ZGRF1: variants seen among roughly 807,000 people sequenced by gnomAD.
ZGRF1 encodes the protein zinc finger GRF-type containing 1.
ZGRF1 carries 196 observed loss-of-function variants against 203.5 expected under a neutral mutation model. The ratio of observed to expected loss-of-function variants is 0.96; its 90% CI spans 0.86 to 1.08. The LOEUF (loss-of-function observed/expected upper bound fraction) is 1.08. Ranked by LOEUF, ZGRF1 falls within the 50% of genes least tolerant of loss-of-function variation. The pLI is 0.00. For synonymous variants in ZGRF1, 809 were observed against 841.3 expected (o/e 0.96, Z 0.66); for missense variants, 2,326 against 2,416.3 (o/e 0.96, Z 0.78).
intron 6 of ZGRF1, among the ~76,000 whole-genome samples, chr4:112,613,220 G>A (rs1195447355): frequency 6.6e-6 from 1 of 152,186 alleles, no homozygotes; most frequent in Non-Finnish European, 1.5e-5. Context: ...CTTGAACTCG[G>A]GAGGTGGAGG....
At position 112,539,991 on chromosome 4, in the gene ZGRF1, C is replaced by A; in HGVS notation, c.6044G>T (p.Gly2015Val). 2 of 1,613,744 alleles carry A rather than the reference C, an allele frequency of 1.2e-6. No homozygotes were observed. Among genetic ancestry groups the A allele is most frequent in the South Asian group, 2.2e-5 (2 of 91,068 alleles). ...CATTCTTTTTTCTGAATCAATGAAT[C>A]CTACTTGTCTTGTCCTTACACAGGA... ...ILSCVRTRQV[G>V]FIDSEKRMNV... Residue 2015 changes from glycine to valine, a missense_variant, in exon 27 of 28, where the codon GGA becomes GTA. Transcript: ENST00000505019.
At chr4:112,543,219 T>C (rs1713150279) in intron 24 of ZGRF1, among the ~76,000 whole-genome samples, 1 of 152,114 alleles carries the variant, frequency 6.6e-6, no homozygotes, top group African/African-American at 2.4e-5. Flanking sequence ...TAGCTAAAGA[T>C]CCCCCTTCAT....
intron 16 of ZGRF1, among the ~76,000 whole-genome samples, chr4:112,571,843 G>A (rs188015646): frequency 1.6e-4 from 24 of 152,334 alleles, no homozygotes; most frequent in African/African-American, 5.5e-4. Flanking sequence ...TCTAAGAACA[G>A]AGAGGGGAAC....
In ZGRF1 at chr4:112,581,815, TA is replaced by T; in HGVS notation, c.4299-14del. On this transcript the variant is annotated splice_polypyrimidine_tract_variant and intron_variant, in intron 15 of 27. Transcript: ENST00000505019. Reference sequence around the variant, plus strand: ...ATCAAATCCTTTTCTGAAAAGGGAATAAAAAATAAAAATGAATTGTAATATT... The same window carrying T: ...ATCAAATCCTTTTCTGAAAAGGGAATAAAAATAAAAATGAATTGTAATATT... 1.6e-6 allele frequency: 2 copies of T among 1,264,518 alleles called. No homozygotes were observed. Among genetic ancestry groups the T allele is most frequent in the Non-Finnish European group, 2.1e-6 (2 of 949,692 alleles). The allele number at this position is 1,264,518 out of a possible 1,614,324, so 78.3% of individuals were successfully genotyped here.
intron 18 of ZGRF1, among the ~76,000 whole-genome samples, chr4:112,561,996 G>A (rs754382010): frequency 2.3e-5 from 3 of 130,520 alleles, no homozygotes; most frequent in South Asian, 2.6e-4. Flanking sequence ...CGCAACCTCC[G>A]CCTCCCAGGT....
chr4:112,599,665 T>C (rs1044328270), intron 10 of ZGRF1, among the ~76,000 whole-genome samples: 1 of 151,796 alleles, frequency 6.6e-6, no homozygotes, highest in African/African-American at 2.4e-5. Context: ...GAAGCTGCAA[T>C]GAGCCTGTAT....
intron 20 of ZGRF1, among the ~76,000 whole-genome samples, chr4:112,557,736 G>A (rs962254259): frequency 6.6e-6 from 1 of 152,154 alleles, no homozygotes; most frequent in African/African-American, 2.4e-5. Context: ...TGTCCTGGAG[G>A]GAGACATTAC....
intron 20 of ZGRF1, among the ~76,000 whole-genome samples, chr4:112,555,935 T>C (rs954095982): frequency 6.6e-6 from 1 of 152,144 alleles, no homozygotes; most frequent in Admixed American, 6.5e-5. Context: ...TAACTTCTCG[T>C]TTTTTTGTTT....
rs753217807 is a variant in ZGRF1 at position 112,562,356 on chromosome 4, TA to T, written c.4697+14del. ...TTTTTTAATACCAATGACTCAAAGG[TA>T]AAAAATGACTTACGTTGTTAACAGG... On this transcript the variant is annotated intron_variant, in intron 18 of 27. Coordinates refer to ENST00000505019, the MANE Select transcript of ZGRF1 (RefSeq NM_018392.5). The T allele has an allele frequency of 1.4e-4, 197 of 1,423,606 alleles. No individual in the cohort carries two copies. The highest frequency in any genetic ancestry group is 1.8e-4 in the Non-Finnish European group (186 of 1,016,124). The allele number at this position is 1,423,606 out of a possible 1,614,324, so 88.2% of individuals were successfully genotyped here. A position where few individuals can be genotyped will look rare whatever the true frequency, so the allele number is the denominator to read the frequency against.
intron 2 of ZGRF1, among the ~76,000 whole-genome samples, chr4:112,632,873 AC>A (rs2047457647): frequency 6.6e-6 from 1 of 152,230 alleles, no homozygotes; most frequent in Non-Finnish European, 1.5e-5. Context: ...TTTGTCTAAT[AC>A]TTGATCTTAG....
chr4:112,632,818 AT>A (rs2047455295), intron 2 of ZGRF1, among the ~76,000 whole-genome samples: 2 of 152,180 alleles, frequency 1.3e-5, no homozygotes, highest in South Asian at 4.1e-4. Flanking sequence ...AGAGAAAGAA[AT>A]TGTTTCCCGG....
At chr4:112,562,606 A>T (rs1742213612) in intron 17 of ZGRF1, 121 bp from the exon 18 acceptor site, 1 of 626,688 alleles carries the variant, frequency 1.6e-6, no homozygotes, top group Non-Finnish European at 2.8e-6. Context: ...ACATAAAACA[A>T]ACCCTTAAAC....
At chr4:112,568,711 CAA>C (rs76531414) in intron 16 of ZGRF1, among the ~76,000 whole-genome samples, 135 of 42,832 alleles carry the variant, frequency 3.2e-3, no homozygotes, top group South Asian at 5.0e-3. Context: ...AACTCTGTCT[CAA>C]AAAAAAAAAA....
In ZGRF1 at chr4:112,633,248, AT is replaced by A. The variant is rs1261815901; in HGVS notation, c.-66-7del. On this transcript the variant is annotated splice_region_variant and splice_polypyrimidine_tract_variant and intron_variant, in intron 1 of 27. Transcript: ENST00000505019. ...TATTCAACTATTTATACCACCTAAA[AT>A]TAAAAATGACATAAAATTTCAACCC... 2.1e-5 allele frequency: 25 copies of A among 1,210,436 alleles called. No individual in the cohort carries two copies. The highest frequency in any genetic ancestry group is 3.0e-5 in the Non-Finnish European group (25 of 842,720). The allele number at this position is 1,210,436 out of a possible 1,614,324, so 75.0% of individuals were successfully genotyped here. A position where few individuals can be genotyped will look rare whatever the true frequency, so the allele number is the denominator to read the frequency against.
chr4:112,552,396 T>C (rs948188219), intron 22 of ZGRF1, among the ~76,000 whole-genome samples: 10 of 152,140 alleles, frequency 6.6e-5, no homozygotes, highest in African/African-American at 2.4e-4. Flanking sequence ...CATTTGTGAA[T>C]AGGTGATACA....
At chr4:112,612,871 A>G (rs939619225) in intron 6 of ZGRF1, among the ~76,000 whole-genome samples, 1 of 152,154 alleles carries the variant, frequency 6.6e-6, no homozygotes, top group African/African-American at 2.4e-5. Flanking sequence ...CCTTTTTTAC[A>G]CTAATTAAAA....
intron 3 of ZGRF1, among the ~76,000 whole-genome samples, chr4:112,627,916 T>C (rs1056019699): frequency 1.2e-4 from 19 of 152,228 alleles, no homozygotes; most frequent in Non-Finnish European, 1.0e-4. Flanking sequence ...TATATTTAAA[T>C]GCTTATAGTT....
chr4:112,581,027 C>A (rs1159443049), intron 16 of ZGRF1, among the ~76,000 whole-genome samples: 1 of 151,888 alleles, frequency 6.6e-6, no homozygotes, highest in Non-Finnish European at 1.5e-5. Flanking sequence ...TGGAACCAAC[C>A]CAAATGTCCA....
rs1195977965 is a variant in ZGRF1, at chr4:112,577,340, C to A, written c.4438+4323G>T. Among the ~76,000 whole-genome samples, 3 of 122,632 alleles carry A rather than the reference C, an allele frequency of 2.4e-5. 1 individual carries two copies. Among genetic ancestry groups the A allele is most frequent in the Non-Finnish European group, 5.5e-5 (3 of 54,980 alleles). 80.5% of individuals were successfully genotyped at this position (122,632 alleles called of 152,430 possible). A position where few individuals can be genotyped will look rare whatever the true frequency, so the allele number is the denominator to read the frequency against. The stretch of plus-strand genomic sequence containing the variant: ...TGCAAAAACATGCCAAATTGTAAAG[C>A]CCGTCGACGCTAGGAAGAAACTGCA... On this transcript the variant is annotated intron_variant, in intron 16 of 27. Coordinates refer to ENST00000505019, the MANE Select transcript of ZGRF1 (RefSeq NM_018392.5).
Sources: allele counts gnomAD v4.1 joint callset (sites outside exome capture counted in the v4.1 genomes callset), GRCh38; gene constraint gnomAD v4.1.1; transcripts MANE v1.5; gene names NCBI Gene and HGNC (gene_info 2026-07-23, HGNC 2026-07-21).